Variants in OPCML observed in about 807,000 individuals in gnomAD.
The protein encoded by OPCML is opioid-binding protein/cell adhesion molecule.
In OPCML, 13 loss-of-function variants were observed where a neutral mutation model predicts 37.8. The observed-to-expected ratio is 0.34, with a 90% CI of 0.22 to 0.55. The LOEUF (loss-of-function observed/expected upper bound fraction) is 0.55. Among genes scored for constraint, OPCML ranks in the 20% least tolerant of loss-of-function variants. OPCML has a pLI of 0.91. For synonymous variants in OPCML, 176 were observed against 168.8 expected, an observed-to-expected ratio of 1.04 and a Z score of -0.33; for missense variants, 341 against 435.6, an observed-to-expected ratio of 0.78 and a Z score of 1.93.
intron 1 of OPCML, among the ~76,000 whole-genome samples, chr11:133,260,498 G>A (rs1156746438): frequency 6.6e-6 from 1 of 152,066 alleles, no homozygotes; most frequent in African/African-American, 2.4e-5. Flanking sequence ...TGAAGGTGGA[G>A]CTCTGGGATT....
intron 2 of OPCML, among the ~76,000 whole-genome samples, chr11:132,876,718 C>T (rs1182848970): frequency 3.3e-5 from 5 of 152,156 alleles, no homozygotes; most frequent in Admixed American, 1.3e-4. Flanking sequence ...TTTTATCTTG[C>T]CCTGCCCAAA....
chr11:132,515,511 A>C (rs1480729856), intron 4 of OPCML, among the ~76,000 whole-genome samples: 2 of 152,194 alleles, frequency 1.3e-5, no homozygotes, highest in South Asian at 4.1e-4. Context: ...TCAGCTGTGA[A>C]GCCCAGGTTC....
intron 6 of OPCML, 92 bp from the exon 7 acceptor site, chr11:132,436,329 A>T (rs1592170539): frequency 2.5e-6 from 4 of 1,604,038 alleles, no homozygotes; most frequent in Non-Finnish European, 3.4e-6. Flanking sequence ...CGTCCTTCAA[A>T]CTCAAACCCT....
chr11:133,258,551 A>C (rs1337298392), intron 1 of OPCML, among the ~76,000 whole-genome samples: 1 of 152,178 alleles, frequency 6.6e-6, no homozygotes, highest in African/African-American at 2.4e-5. Context: ...TTGAGCTTCT[A>C]CAGGAGGTTT....
chr11:132,835,477 A>G (rs1256081105), intron 2 of OPCML, among the ~76,000 whole-genome samples: 3 of 152,206 alleles, frequency 2.0e-5, no homozygotes, highest in South Asian at 4.1e-4. Flanking sequence ...CTAGAACCAG[A>G]GTCTGTCTCT....
Position 133,324,951 on chromosome 11 carries a change from C to G in OPCML, c.61+207313G>C, listed in dbSNP as rs145029061. On this transcript the variant is annotated intron_variant, in intron 1 of 7. Transcript: ENST00000524381. ...ATTCTACATATAGTATCATTATATA[C>G]TCTCCATCTGTACCTCTCTGCATCC... Among the ~76,000 whole-genome samples the G allele has an allele frequency of 6.7e-3, 1,013 of 152,160 alleles. 17 individuals carry two copies. The highest frequency in any genetic ancestry group is 0.023 in the African/African-American group (962 of 41,510).
intron 1 of OPCML, among the ~76,000 whole-genome samples, chr11:133,277,670 A>C (rs1942031062): frequency 6.6e-6 from 1 of 152,050 alleles, no homozygotes; most frequent in South Asian, 2.1e-4. Context: ...GATCCAGTAC[A>C]TGTATCCAGT....
chr11:133,513,168 A>G (rs565567517), intron 1 of OPCML, among the ~76,000 whole-genome samples: 1 of 140,412 alleles, frequency 7.1e-6, no homozygotes, highest in African/African-American at 3.2e-5. Flanking sequence ...AGCCCCAAAC[A>G]TTTAAAAAAA....
At chr11:132,712,200 G>A (rs1944292471) in intron 2 of OPCML, among the ~76,000 whole-genome samples, 1 of 152,194 alleles carries the variant, frequency 6.6e-6, no homozygotes, top group Non-Finnish European at 1.5e-5. Flanking sequence ...TGATTTGGTA[G>A]AGGCGAATGA....
At chr11:132,560,319 T>A (rs2096407765) in intron 3 of OPCML, among the ~76,000 whole-genome samples, 1 of 152,230 alleles carries the variant, frequency 6.6e-6, no homozygotes, top group African/African-American at 2.4e-5. Flanking sequence ...TCTAATAGTT[T>A]TCCACACACC....
chr11:132,938,128 C>T (rs890478661), intron 2 of OPCML, among the ~76,000 whole-genome samples: 1 of 151,998 alleles, frequency 6.6e-6, no homozygotes, highest in Non-Finnish European at 1.5e-5. Flanking sequence ...GGCAATAATA[C>T]ACTAGAAGTG....
chr11:132,608,380 G>A (rs1383820961), intron 3 of OPCML, among the ~76,000 whole-genome samples: 4 of 152,140 alleles, frequency 2.6e-5, no homozygotes, highest in Admixed American at 2.6e-4. Context: ...CCAGGGAAGA[G>A]GGACTGCTAT....
intron 1 of OPCML, among the ~76,000 whole-genome samples, chr11:132,994,909 G>A (rs2136827753): frequency 6.6e-6 from 1 of 152,314 alleles, no homozygotes; most frequent in South Asian, 2.1e-4. Flanking sequence ...AGCACCCCTA[G>A]GAGTTGAATA....
chr11:133,471,520 G>T (rs1417455104), intron 1 of OPCML, among the ~76,000 whole-genome samples: 3 of 152,134 alleles, frequency 2.0e-5, no homozygotes, highest in Admixed American at 6.5e-5. Flanking sequence ...TGATCATCTT[G>T]GGAGAGGGGA....
At chr11:132,447,524 G>T (rs955599201) in intron 4 of OPCML, among the ~76,000 whole-genome samples, 15 of 150,812 alleles carry the variant, frequency 9.9e-5, no homozygotes, top group South Asian at 2.1e-4. Context: ...TGCCCAGGCT[G>T]GTCTCGAACT....
chr11:132,551,589 C>T (rs981671330), intron 3 of OPCML, among the ~76,000 whole-genome samples: 2 of 152,152 alleles, frequency 1.3e-5, no homozygotes, highest in Admixed American at 6.5e-5. Flanking sequence ...TTTGCAAACC[C>T]TGCATTTGAT....
intron 2 of OPCML, 119 bp downstream of exon 2, chr11:132,942,807 G>T: frequency 1.5e-6 from 2 of 1,347,798 alleles, no homozygotes; most frequent in Middle Eastern, 2.1e-4. Flanking sequence ...GCGCCCCTCG[G>T]GCCTGCACAA....
intron 2 of OPCML, among the ~76,000 whole-genome samples, chr11:132,802,147 A>AT (rs1938693477): frequency 6.6e-6 from 1 of 152,166 alleles, no homozygotes; most frequent in Admixed American, 6.5e-5. Flanking sequence ...GTTACCTCGA[A>AT]TAAGTTCTCT....
rs553178585 is a variant in OPCML, at chr11:132,493,002, G to A, written c.505+36059C>T. Among the ~76,000 whole-genome samples, 266 of 152,338 alleles carry A rather than the reference G, an allele frequency of 1.7e-3. 2 individuals are homozygous for A. The highest frequency in any genetic ancestry group is 9.3e-3 in the South Asian group (45 of 4,824). ...AGTAGTTTCACAATAAATACTGGAT[G>A]GATGATTGACACATTCAACGTGATT... is the stretch of plus-strand genomic sequence containing the variant. On this transcript the variant is annotated intron_variant, in intron 4 of 7. Coordinates refer to ENST00000524381, the MANE Select transcript of OPCML (RefSeq NM_001012393.5).
Sources: gnomAD v4.1 joint callset for allele counts (sites outside exome capture counted in the v4.1 genomes callset) on GRCh38, gnomAD v4.1.1 for gene constraint, MANE v1.5 for transcripts, NCBI Gene and HGNC (gene_info 2026-07-23, HGNC 2026-07-21) for gene names.